The following TENM2 variants were observed in gnomAD, a reference collection of about 807,000 sequenced individuals.
TENM2 encodes teneurin-2.
A neutral mutation model predicts 245.2 loss-of-function variants in TENM2; 52 were observed. The ratio of observed to expected loss-of-function variants is 0.21; its 90% confidence interval spans 0.17 to 0.27. TENM2 has a LOEUF of 0.27. Ranked by LOEUF, TENM2 falls within the 10% of genes least tolerant of loss-of-function variation. The pLI, the probability that TENM2 is intolerant of heterozygous loss-of-function variation, is 1.00. For missense variants in TENM2, 3,046 were observed against 3,666.8 expected, an observed-to-expected ratio of 0.83 and a Z score of 4.37; for synonymous variants, 1,363 against 1,438.9, an observed-to-expected ratio of 0.95 and a Z score of 1.19.
chr5:168,110,598 A>AC (rs746690140), intron 9 of TENM2, among the ~76,000 whole-genome samples: 6 of 152,156 alleles, frequency 3.9e-5, no homozygotes, highest in South Asian at 2.1e-4. Flanking sequence ...GATGAAACAG[A>AC]CCCCCCATGC....
chr5:168,046,251 C>G (rs770765281), intron 5 of TENM2, among the ~76,000 whole-genome samples: 4 of 152,196 alleles, frequency 2.6e-5, no homozygotes, highest in Non-Finnish European at 5.9e-5. Context: ...ATTGTGTTCC[C>G]TGCAGATAAT....
At chr5:167,354,061 C>G (rs546999544) in intron 1 of TENM2, among the ~76,000 whole-genome samples, 2 of 152,298 alleles carry the variant, frequency 1.3e-5, no homozygotes, top group Non-Finnish European at 2.9e-5. Flanking sequence ...TGCTTTCAGT[C>G]TAACTGGGTT....
intron 2 of TENM2, among the ~76,000 whole-genome samples, chr5:167,834,661 T>TTC (rs1554127838): frequency 6.4e-5 from 8 of 124,792 alleles, no homozygotes; most frequent in Non-Finnish European, 1.1e-4. Context: ...TTTTTTTTTT[T>TTC]CTTTTTGAGA....
chr5:167,524,601 A>G (rs1770982081), intron 2 of TENM2, among the ~76,000 whole-genome samples: 1 of 152,002 alleles, frequency 6.6e-6, no homozygotes, highest in Non-Finnish European at 1.5e-5. Context: ...TCTGCTTTTT[A>G]ACGAGCTCCC....
At chr5:168,058,565 A>G (rs540515175) in intron 6 of TENM2, among the ~76,000 whole-genome samples, 223 of 152,346 alleles carry the variant, frequency 1.5e-3, no homozygotes, top group African/African-American at 5.2e-3. Context: ...TTTAGTGTGA[A>G]GGTGCACTTG....
intron 2 of TENM2, among the ~76,000 whole-genome samples, chr5:167,665,623 C>T (rs1203242055): frequency 3.9e-5 from 6 of 152,068 alleles, no homozygotes; most frequent in South Asian, 2.1e-4. Flanking sequence ...AGGTTACTTG[C>T]GGTTCCATTC....
chr5:167,482,569 C>T (rs1424153452), intron 2 of TENM2, among the ~76,000 whole-genome samples: 2 of 152,074 alleles, frequency 1.3e-5, no homozygotes, highest in Admixed American at 6.5e-5. Flanking sequence ...TTGGATAACA[C>T]GCCCTAATTT....
chr5:167,475,915 G>C (rs1036355823), intron 2 of TENM2, among the ~76,000 whole-genome samples: 13 of 151,854 alleles, frequency 8.6e-5, no homozygotes, highest in African/African-American at 3.1e-4. Flanking sequence ...GCATTTGGGT[G>C]GGTTCCAAGT....
intron 2 of TENM2, among the ~76,000 whole-genome samples, chr5:167,713,575 C>T (rs1031949493): frequency 6.6e-6 from 1 of 152,158 alleles, no homozygotes; most frequent in African/African-American, 2.4e-5. Flanking sequence ...CCCCCACCAC[C>T]ACATTCATGT....
At chr5:167,052,752 A>G in the TENM2 span, among the ~76,000 whole-genome samples, 5 of 152,098 alleles carry the variant, frequency 3.3e-5, no homozygotes, top group Non-Finnish European at 5.9e-5. Context: ...ATCGTAAGCT[A>G]AGATATGAGT....
At chr5:167,212,287 A>G in the TENM2 span, among the ~76,000 whole-genome samples, 1 of 152,152 alleles carries the variant, frequency 6.6e-6, no homozygotes, top group Non-Finnish European at 1.5e-5. Flanking sequence ...CTCACCAAGA[A>G]CAGCATCAAG....
At chr5:167,094,000 CA>C in the TENM2 span, among the ~76,000 whole-genome samples, 1 of 152,134 alleles carries the variant, frequency 6.6e-6, no homozygotes, top group South Asian at 2.1e-4. Context: ...GGCGATGTCT[CA>C]GCTAAGTTTT....
intron 1 of TENM2, among the ~76,000 whole-genome samples, chr5:167,319,016 T>A (rs1421860387): frequency 6.6e-6 from 1 of 152,206 alleles, no homozygotes; most frequent in African/African-American, 2.4e-5. Context: ...GAGGCTTTCT[T>A]TTATGGGATA....
At chr5:167,021,516 G>A in the TENM2 span, among the ~76,000 whole-genome samples, 11 of 152,206 alleles carry the variant, frequency 7.2e-5, no homozygotes, top group Non-Finnish European at 5.9e-5. Context: ...TCACCTTCGT[G>A]TTGTAGTTTT....
chr5:167,588,430 G>A (rs1005342611), intron 2 of TENM2, among the ~76,000 whole-genome samples: 1 of 152,150 alleles, frequency 6.6e-6, no homozygotes, highest in African/African-American at 2.4e-5. Flanking sequence ...CCATCAATGG[G>A]TGTATTGTGT....
chr5:168,052,953 C>T (rs534140337), intron 6 of TENM2, among the ~76,000 whole-genome samples: 1 of 152,284 alleles, frequency 6.6e-6, no homozygotes, highest in Non-Finnish European at 1.5e-5. Flanking sequence ...TACTAGTTGG[C>T]TTAATGCGTG....
chr5:167,826,860 C>A (rs1395486710), intron 2 of TENM2, among the ~76,000 whole-genome samples: 3 of 152,198 alleles, frequency 2.0e-5, no homozygotes, highest in Non-Finnish European at 4.4e-5. Flanking sequence ...GAACCTGGCA[C>A]GTGCAATGGT....
intron 2 of TENM2, among the ~76,000 whole-genome samples, chr5:167,596,948 T>A (rs1170220164): frequency 6.6e-6 from 1 of 151,856 alleles, no homozygotes; most frequent in Non-Finnish European, 1.5e-5. Flanking sequence ...GAACTGGAGG[T>A]CCCAAGAGCA....
chr5:167,238,822 AG>A, the TENM2 span, among the ~76,000 whole-genome samples: 1 of 152,198 alleles, frequency 6.6e-6, no homozygotes, highest in Admixed American at 6.6e-5. Context: ...TTCACTGATC[AG>A]GAAGAGATGT....
Sources: allele counts gnomAD v4.1 joint callset (sites outside exome capture counted in the v4.1 genomes callset), GRCh38; gene constraint gnomAD v4.1.1; transcripts MANE v1.5; gene names NCBI Gene and HGNC (gene_info 2026-07-23, HGNC 2026-07-21).